Variants in LRPAP1 observed in about 807,000 individuals in gnomAD.
LRPAP1 encodes LDL receptor related protein associated protein 1.
In LRPAP1, 41 loss-of-function variants were observed where a neutral mutation model predicts 39.9. The ratio of observed to expected loss-of-function variants is 1.03; its 90% CI spans 0.80 to 1.33. The LOEUF (loss-of-function observed/expected upper bound fraction) is 1.33. Ranked by LOEUF, LRPAP1 falls within the 40% of genes most tolerant of loss-of-function variation. The probability of loss-of-function intolerance (pLI) is 0.00; values close to 1 mark genes in which losing one functional copy is unlikely to be tolerated. For synonymous variants in LRPAP1, 263 were observed against 212.7 expected (o/e 1.24, Z -2.06); for missense variants, 565 against 482.3 (o/e 1.17, Z -1.61).
chr4:3,527,308 C>T (rs1035518247), intron 1 of LRPAP1, among the ~76,000 whole-genome samples: 7 of 152,136 alleles, frequency 4.6e-5, no homozygotes, highest in Non-Finnish European at 1.0e-4. Flanking sequence ...TTGCCTGCGG[C>T]GTCCACTGGA....
chr4:3,531,403 T>A (rs1730248458), intron 1 of LRPAP1, among the ~76,000 whole-genome samples: 1 of 152,224 alleles, frequency 6.6e-6, no homozygotes, highest in African/African-American at 2.4e-5. Context: ...AGATCTAATC[T>A]GACTCCTGCA....
At chr4:3,530,825 G>A (rs1364280025) in intron 1 of LRPAP1, among the ~76,000 whole-genome samples, 1 of 152,186 alleles carries the variant, frequency 6.6e-6, no homozygotes. Context: ...TGGAAGACTT[G>A]GGCCAGCACC....
intron 2 of LRPAP1, among the ~76,000 whole-genome samples, chr4:3,523,659 T>G (rs563818280): frequency 2.5e-4 from 38 of 151,858 alleles, no homozygotes; most frequent in African/African-American, 8.7e-4. Context: ...TTTTGAGGAG[T>G]AGGTGTTAGA....
intron 2 of LRPAP1, among the ~76,000 whole-genome samples, chr4:3,522,423 A>G (rs914287335): frequency 5.9e-5 from 9 of 152,084 alleles, no homozygotes; most frequent in African/African-American, 2.2e-4. Context: ...CATGGAATGG[A>G]GTCACAGAGC....
In LRPAP1 at chr4:3,509,271, C is replaced by T. The variant is rs1488242287; in HGVS notation, c.*3703G>A. 7.2e-6 allele frequency: 1 copy of T among 138,286 alleles called. No homozygotes were observed. The highest frequency in any genetic ancestry group is 2.7e-5 in the African/African-American group (1 of 36,604). The allele number at this position is 138,286 out of a possible 1,614,324, so 8.6% of individuals were successfully genotyped here. A position where few individuals can be genotyped will look rare whatever the true frequency, so the allele number is the denominator to read the frequency against. On this transcript the variant is annotated 3_prime_UTR_variant, in exon 8 of 8. Transcript: ENST00000650182. The stretch of plus-strand genomic sequence containing the variant: ...TCACACACGGCAGTCAACGCGTGGA[C>T]ACCGGAGACTGTTGAGACGCCGACT...
At chr4:3,529,142 G>A (rs901289869) in intron 1 of LRPAP1, among the ~76,000 whole-genome samples, 1 of 152,012 alleles carries the variant, frequency 6.6e-6, no homozygotes, top group East Asian at 1.9e-4. Context: ...GGCCAACATG[G>A]TGAAACCCCG....
rs1383609196 is a variant in LRPAP1 at position 3,518,823 on chromosome 4, C to A, written c.592+48G>T. 2.4e-5 allele frequency: 23 copies of A among 953,430 alleles called. No homozygotes were observed. The East Asian group carries it at 1.1e-3, about 46-fold the overall frequency. The allele number at this position is 953,430 out of a possible 1,614,324, so 59.1% of individuals were successfully genotyped here. ...CCTCAGGTGCAGGAGGGGTGGGGGG[C>A]AGGAGGGGGTGGGGCAGAGGGCAGG... On this transcript the variant is annotated intron_variant, in intron 4 of 7. Transcript: ENST00000650182.
chr4:3,523,118 CCA>C (rs1729969878), intron 2 of LRPAP1, among the ~76,000 whole-genome samples: 2 of 152,148 alleles, frequency 1.3e-5, no homozygotes, highest in African/African-American at 4.8e-5. Flanking sequence ...TCCACTTGGG[CCA>C]CAGACCTGGA....
chr4:3,530,325 C>T (rs776975983), intron 1 of LRPAP1, among the ~76,000 whole-genome samples: 2 of 152,202 alleles, frequency 1.3e-5, no homozygotes, highest in African/African-American at 4.8e-5. Flanking sequence ...ACCCTCCAAG[C>T]TTCCGTTATC....
At chr4:3,520,346 TG>T in intron 2 of LRPAP1, 153 bp from the exon 3 acceptor site, 1 of 739,038 alleles carries the variant, frequency 1.4e-6, no homozygotes, top group Non-Finnish European at 2.2e-6. Context: ...ACTGGAGATC[TG>T]GGGAGAACAA....
Position 3,505,700 on chromosome 4 carries a change from A to C in LRPAP1, c.*7274T>G, listed in dbSNP as rs992737627. Among the ~76,000 whole-genome samples the C allele has an allele frequency of 2.6e-5, 4 of 152,102 alleles. No individual in the cohort carries two copies. Among genetic ancestry groups the C allele is most frequent in the Non-Finnish European group, 1.5e-5 (1 of 68,014 alleles). ...AAGACCGTCTATACCAGCTACCCCA[A>C]GACCGTCTATACCAGCTACGCCAAG... is the stretch of plus-strand genomic sequence containing the variant. On this transcript the variant is annotated 3_prime_UTR_variant, in exon 8 of 8. Transcript: ENST00000650182.
At chr4:3,522,136 A>AAGGCCGTCCTGCCCAGG (rs1560258098) in intron 2 of LRPAP1, among the ~76,000 whole-genome samples, 1 of 151,958 alleles carries the variant, frequency 6.6e-6, no homozygotes, top group Admixed American at 6.5e-5. Flanking sequence ...TCCTGCCCAG[A>AAGGCCGTCCTGCCCAGG]CCCCCAAGTC....
chr4:3,526,565 C>T (rs1418518317), intron 1 of LRPAP1, among the ~76,000 whole-genome samples: 3 of 152,250 alleles, frequency 2.0e-5, no homozygotes, highest in African/African-American at 4.8e-5. Flanking sequence ...CCGCAGCCCG[C>T]GCCGCCTTGT....
rs1028258978 is a variant in LRPAP1 at position 3,508,653 on chromosome 4, G to C, written c.*4321C>G. 6.6e-6 allele frequency: 1 copy of C among 152,218 alleles called. No homozygotes were observed. The highest frequency in any genetic ancestry group is 1.5e-5 in the Non-Finnish European group (1 of 68,056). 9.4% of individuals were successfully genotyped at this position (152,218 alleles called of 1,614,324 possible). ...GAAATGCCAGGTCATCTTGGCATATGAAAGTCAGCGTAATTCACTACAGTA... is the reference window on the plus strand; with the variant it reads ...GAAATGCCAGGTCATCTTGGCATATCAAAGTCAGCGTAATTCACTACAGTA... On this transcript the variant is annotated 3_prime_UTR_variant, in exon 8 of 8. Transcript: ENST00000650182.
At chr4:3,528,765 C>A (rs985471608) in intron 1 of LRPAP1, among the ~76,000 whole-genome samples, 18 of 152,334 alleles carry the variant, frequency 1.2e-4, no homozygotes, top group Non-Finnish European at 2.1e-4. Flanking sequence ...GCTCCTTCCA[C>A]CTGAGCTCCG....
Position 3,511,475 on chromosome 4 carries a change from GAAC to G in LRPAP1, c.*1496_*1498del, listed in dbSNP as rs1334603216. 9 of 152,008 alleles carry G rather than the reference GAAC, an allele frequency of 5.9e-5. No homozygotes were observed. The highest frequency in any genetic ancestry group is 5.9e-4 in the Admixed American group (9 of 15,254). 9.4% of individuals were successfully genotyped at this position (152,008 alleles called of 1,614,324 possible). On this transcript the variant is annotated 3_prime_UTR_variant, in exon 8 of 8. Coordinates refer to ENST00000650182, the MANE Select transcript of LRPAP1 (RefSeq NM_002337.4). ...GCTCTCAGGATAATGGGAAAAAAAAGAACCAGAATCCACCCCCCGCCCCACCAG... is the reference window on the plus strand; with the variant it reads ...GCTCTCAGGATAATGGGAAAAAAAAGCAGAATCCACCCCCCGCCCCACCAG...
intron 5 of LRPAP1, among the ~76,000 whole-genome samples, chr4:3,517,395 G>A (rs980642557): frequency 2.0e-5 from 3 of 152,240 alleles, no homozygotes. Flanking sequence ...CTGTCTCCTC[G>A]AGCCTAGAGC....
rs908645176 is a variant in LRPAP1 at position 3,507,204 on chromosome 4, G to A, written c.*5770C>T. ...GCACCACTGCACTCCAAGCCTGTGC[G>A]AGAAAGATCCTGACTCAAAAAAAAA... is the stretch of plus-strand genomic sequence containing the variant. On this transcript the variant is annotated 3_prime_UTR_variant, in exon 8 of 8. Transcript: ENST00000650182. 12 of 152,138 alleles carry A rather than the reference G, an allele frequency of 7.9e-5. No homozygotes were observed. Among genetic ancestry groups the A allele is most frequent in the African/African-American group, 2.7e-4 (11 of 41,426 alleles). 9.4% of individuals were successfully genotyped at this position (152,138 alleles called of 1,614,324 possible). A position where few individuals can be genotyped will look rare whatever the true frequency, so the allele number is the denominator to read the frequency against.
Position 3,520,116 on chromosome 4 carries a change from C to T in LRPAP1, c.427G>A (p.Glu143Lys). 6.2e-7 allele frequency: 1 copy of T among 1,614,202 alleles called. No homozygotes were observed. The highest frequency in any genetic ancestry group is 8.5e-7 in the Non-Finnish European group (1 of 1,180,040). ...VTSNSLSGTQEDGLDDPRLEK... is the reference protein window; with the variant it reads ...VTSNSLSGTQKDGLDDPRLEK... ...AGCCTGGGGTCATCCAGCCCGTCTT[C>T]CTGGGTGCCACTGAGGGAGTTGCTG... Residue 143 changes from glutamate to lysine, a missense_variant, in exon 3 of 8, where the codon GAA becomes AAA. By Grantham distance (56) the Glu-to-Lys change is moderately conservative. Coordinates refer to ENST00000650182, the MANE Select transcript of LRPAP1 (RefSeq NM_002337.4).
Sources: allele counts gnomAD v4.1 joint callset (sites outside exome capture counted in the v4.1 genomes callset), GRCh38; gene constraint gnomAD v4.1.1; transcripts MANE v1.5; gene names NCBI Gene and HGNC (gene_info 2026-07-23, HGNC 2026-07-21).